The following FMN2 variants were observed in gnomAD, a reference collection of about 807,000 sequenced individuals.
FMN2 encodes the protein formin-2.
In FMN2, 51 loss-of-function variants were observed where a neutral mutation model predicts 142.3. That is an observed-to-expected ratio of 0.36 (90% confidence interval 0.29 to 0.45). FMN2 has a LOEUF of 0.45. FMN2 is among the 20% of genes least tolerant of loss of function. The pLI is 1.00. For missense variants in FMN2, 1,936 were observed against 2,122.8 expected (o/e 0.91, Z 1.73); for synonymous variants, 882 against 869.8 (o/e 1.01, Z -0.25).
At chr1:240,140,443 T>G (rs1039752060) in intron 2 of FMN2, among the ~76,000 whole-genome samples, 2 of 152,172 alleles carry the variant, frequency 1.3e-5, no homozygotes, top group Non-Finnish European at 2.9e-5. Context: ...CAACTGCATT[T>G]TTGCATTTCT....
intron 2 of FMN2, among the ~76,000 whole-genome samples, chr1:240,137,069 C>CAA (rs563163509): frequency 0.025 from 1,913 of 75,676 alleles, 63 homozygotes; most frequent in African/African-American, 0.086. Flanking sequence ...AACTCCGTCT[C>CAA]AAAAAAAAAA....
chr1:240,340,665 A>G (rs936172790), intron 13 of FMN2, among the ~76,000 whole-genome samples: 4 of 152,132 alleles, frequency 2.6e-5, no homozygotes, highest in African/African-American at 7.2e-5. Context: ...TTTCATCAGT[A>G]TTTTGAAGAT....
At chr1:240,157,991 A>AG (rs1385580732) in intron 2 of FMN2, among the ~76,000 whole-genome samples, 1 of 151,430 alleles carries the variant, frequency 6.6e-6, no homozygotes, top group Non-Finnish European at 1.5e-5. Flanking sequence ...AAAAAAAAAA[A>AG]AAAGTCAGCC....
chr1:240,447,527 A>C (rs1328651864), intron 16 of FMN2, among the ~76,000 whole-genome samples: 1 of 152,212 alleles, frequency 6.6e-6, no homozygotes, highest in Non-Finnish European at 1.5e-5. Context: ...TGTGGTAAAA[A>C]ACACAGACAG....
In FMN2 at chr1:240,180,155, A is replaced by T. The variant is rs551756381; in HGVS notation, c.1930+2087A>T. The T allele has an allele frequency of 2.6e-5, 33 of 1,280,908 alleles. No individual in the cohort carries two copies. The Admixed American group carries it at 7.4e-4, about 29-fold the overall frequency. The allele number at this position is 1,280,908 out of a possible 1,614,324, so 79.3% of individuals were successfully genotyped here. A position where few individuals can be genotyped will look rare whatever the true frequency, so the allele number is the denominator to read the frequency against. ...GAAATAACTTGTCTCCTTTTTAAAA[A>T]TGCATTCTTGAAGAGGATGATGGAG... On this transcript the variant is annotated intron_variant, in intron 3 of 17. Transcript: ENST00000319653.
At chr1:240,161,419 G>C (rs1330049924) in intron 2 of FMN2, among the ~76,000 whole-genome samples, 1 of 151,978 alleles carries the variant, frequency 6.6e-6, no homozygotes, top group Non-Finnish European at 1.5e-5. Flanking sequence ...TGTAGTCCCA[G>C]CTACTCAGGA....
At chr1:240,468,206 A>ATATATGTGTG (rs374934885) in intron 16 of FMN2, among the ~76,000 whole-genome samples, 3,893 of 147,944 alleles carry the variant, frequency 0.026, 177 homozygotes, top group African/African-American at 0.091. Flanking sequence ...ATATATATAT[A>ATATATGTGTG]TGTGTGTGTG....
chr1:240,334,229 G>C lies in FMN2; in HGVS notation c.4765G>C (p.Ala1589Pro). ...CAGAAAACTGAAGAAAGACTTGAAA[G>C]GTAACTTAAAATCCTGAACTCATGT... ...DLRKLKKDLKACEVEAGKVYQ... is the reference protein window; with the variant it reads ...DLRKLKKDLKPCEVEAGKVYQ... The change falls in exon 13 of 18, where the codon GCC becomes CCC. Residue 1589 changes from alanine to proline, a missense_variant and splice_region_variant. Around this residue, in one of 8 missense-constraint regions of FMN2, gnomAD observed 322 missense variants for 401.6 expected, o/e 0.80. Transcript: ENST00000319653. 1 of 1,591,452 alleles carries C rather than the reference G, an allele frequency of 6.3e-7. No homozygotes were observed. The highest frequency in any genetic ancestry group is 2.2e-5 in the East Asian group (1 of 44,458).
Position 240,092,162 on chromosome 1 carries a change from A to G in FMN2, c.53A>G (p.Glu18Gly), listed in dbSNP as rs1329475643. The change falls in exon 1 of 18, where the codon GAA becomes GGA. Residue 18 changes from glutamate to glycine, a missense_variant. By Grantham distance (98) the Glu-to-Gly change is moderately conservative (BLOSUM62 -2). Around this residue, in one of 8 missense-constraint regions of FMN2, gnomAD observed 751 missense variants for 791.8 expected, o/e 0.95. Coordinates refer to ENST00000319653, the MANE Select transcript of FMN2 (RefSeq NM_020066.5). ...AGGAGCGCAGGTGATGCTTTGCACG[A>G]AGGCGGCGGTGGCGCCGAGGATGCG... ...LKRSAGDALHEGGGGAEDALG... is the reference protein window; with the variant it reads ...LKRSAGDALHGGGGGAEDALG... 1.3e-6 allele frequency: 2 copies of G among 1,574,814 alleles called. No homozygotes were observed. Among genetic ancestry groups the G allele is most frequent in the East Asian group, 4.6e-5 (2 of 43,368 alleles).
chr1:240,395,496 C>G (rs894307495), intron 15 of FMN2, among the ~76,000 whole-genome samples: 4 of 152,120 alleles, frequency 2.6e-5, no homozygotes, highest in Admixed American at 1.3e-4. Flanking sequence ...AAGGATTCAC[C>G]ATTCTAGATG....
At chr1:240,453,271 C>A (rs1424785185) in intron 16 of FMN2, among the ~76,000 whole-genome samples, 1 of 152,052 alleles carries the variant, frequency 6.6e-6, no homozygotes, top group Non-Finnish European at 1.5e-5. Context: ...GAAGCCAAAC[C>A]CCACATAATT....
intron 6 of FMN2, among the ~76,000 whole-genome samples, chr1:240,227,043 G>A (rs1667334654): frequency 6.6e-6 from 1 of 152,174 alleles, no homozygotes; most frequent in African/African-American, 2.4e-5. Context: ...TGATTGGAAT[G>A]GAAGCAGCAA....
intron 15 of FMN2, among the ~76,000 whole-genome samples, chr1:240,434,299 A>G (rs995525120): frequency 9.2e-5 from 14 of 152,312 alleles, no homozygotes; most frequent in African/African-American, 1.4e-4. Flanking sequence ...CTGTATTGGT[A>G]TATGGTGGCT....
At position 240,192,797 on chromosome 1, in the gene FMN2, AT is replaced by A. The variant is rs1210287739; in HGVS notation, c.1986+4539del. On this transcript the variant is annotated intron_variant, in intron 4 of 17. Coordinates refer to ENST00000319653, the MANE Select transcript of FMN2 (RefSeq NM_020066.5). Reference sequence around the variant, plus strand: ...AGTGCTGACATTGAAGATAGGTAACATTTTGAAAGGTATTCACCATACTATG... The same window carrying A: ...AGTGCTGACATTGAAGATAGGTAACATTTGAAAGGTATTCACCATACTATG... Among the ~76,000 whole-genome samples, 9 of 152,118 alleles carry A rather than the reference AT, an allele frequency of 5.9e-5. No individual in the cohort carries two copies. In the East Asian group the frequency reaches 1.7e-3, roughly 30 times the overall value.
chr1:240,434,442 C>T (rs1032891440), intron 15 of FMN2, among the ~76,000 whole-genome samples: 9 of 152,004 alleles, frequency 5.9e-5, no homozygotes, highest in East Asian at 1.9e-4. Flanking sequence ...TACCTAATGC[C>T]GGACAGGATT....
At chr1:240,429,347 C>T (rs1252964609) in intron 15 of FMN2, among the ~76,000 whole-genome samples, 1 of 152,114 alleles carries the variant, frequency 6.6e-6, no homozygotes, top group Non-Finnish European at 1.5e-5. Flanking sequence ...TGTTTTCTTT[C>T]AATAAGTTTG....
intron 8 of FMN2, among the ~76,000 whole-genome samples, chr1:240,317,029 C>G (rs534106926): frequency 1.3e-5 from 2 of 152,020 alleles, no homozygotes; most frequent in Non-Finnish European, 2.9e-5. Flanking sequence ...TAAAACAGGA[C>G]GAGTGGGTGG....
rs113713581 is a variant in FMN2, at chr1:240,143,970, C to A, written c.1782+20625C>A. On this transcript the variant is annotated intron_variant, in intron 2 of 17. Coordinates refer to ENST00000319653, the MANE Select transcript of FMN2 (RefSeq NM_020066.5). ...CTCATGGTGTTGCTGTTGTGGAGAA[C>A]ATAGTCTGAAAGCAGTCCCAGAGCA... 7.5e-4 allele frequency: 1,053 copies of A among 1,412,180 alleles called. 2 individuals carry two copies. The African/African-American group carries it at 0.013, about 18-fold the overall frequency. 87.5% of individuals were successfully genotyped at this position (1,412,180 alleles called of 1,614,324 possible). A position where few individuals can be genotyped will look rare whatever the true frequency, so the allele number is the denominator to read the frequency against.
chr1:240,143,869 A>G (rs958897639), intron 2 of FMN2: 3 of 1,585,808 alleles, frequency 1.9e-6, no homozygotes, highest in Non-Finnish European at 2.6e-6. Flanking sequence ...CTCCCATCAC[A>G]GGCAGCAGCA....
Sources: allele counts gnomAD v4.1 joint callset (sites outside exome capture counted in the v4.1 genomes callset), GRCh38; gene constraint gnomAD v4.1.1; regional missense constraint gnomAD v4.1.1; transcripts MANE v1.5; gene names NCBI Gene and HGNC (gene_info 2026-07-23, HGNC 2026-07-21).